SEMA6A: variants seen among roughly 807,000 people sequenced by gnomAD.
SEMA6A encodes semaphorin-6A.
In SEMA6A, 25 loss-of-function variants were observed where a neutral mutation model predicts 96.8. The observed-to-expected ratio is 0.26, with a 90% CI of 0.19 to 0.36. SEMA6A has a LOEUF of 0.36. SEMA6A is among the 10% of genes least tolerant of loss of function. SEMA6A has a pLI of 1.00. For synonymous variants in SEMA6A, 612 were observed against 518.0 expected (o/e 1.18, Z -2.46); for missense variants, 1,363 against 1,323.1 (o/e 1.03, Z -0.47).
chr5:116,504,512 G>A (rs776599000), intron 2 of SEMA6A, among the ~76,000 whole-genome samples: 2 of 152,142 alleles, frequency 1.3e-5, no homozygotes, highest in Non-Finnish European at 2.9e-5. Flanking sequence ...ATATAAAAGC[G>A]AGTAATACTG....
At chr5:116,472,926 G>T in intron 17 of SEMA6A, 147 bp downstream of exon 17, 1 of 1,524,306 alleles carries the variant, frequency 6.6e-7, no homozygotes. Flanking sequence ...TGGTAGAGGA[G>T]TTGAAATGTC....
chr5:116,572,642 CCT>C (rs1761270148), intron 1 of SEMA6A, among the ~76,000 whole-genome samples: 1 of 152,246 alleles, frequency 6.6e-6, no homozygotes, highest in Non-Finnish European at 1.5e-5. Flanking sequence ...TTCCCCACAG[CCT>C]CTGTCCACAG....
At chr5:116,453,615 CAT>C (rs748839775) in intron 18 of SEMA6A, among the ~76,000 whole-genome samples, 18 of 152,180 alleles carry the variant, frequency 1.2e-4, no homozygotes, top group Non-Finnish European at 2.4e-4. Context: ...ATCTGCCACT[CAT>C]AGAAGGAAAG....
chr5:116,444,376 C>T lies in SEMA6A; in HGVS notation c.*2237G>A, dbSNP rs938437608. 6.6e-6 allele frequency: 1 copy of T among 152,174 alleles called. No homozygotes were observed. The highest frequency in any genetic ancestry group is 6.5e-5 in the Admixed American group (1 of 15,276). The allele number at this position is 152,174 out of a possible 1,614,324, so 9.4% of individuals were successfully genotyped here. ...AACCACACTGATTATGGAGGCTCCA[C>T]TTTTTCACTATCCAACTCAAAACTG... is the stretch of plus-strand genomic sequence containing the variant. On this transcript the variant is annotated 3_prime_UTR_variant, in exon 19 of 19. Coordinates refer to ENST00000343348, the MANE Select transcript of SEMA6A (RefSeq NM_020796.5).
At chr5:116,487,181 TAC>T in intron 9 of SEMA6A, 1 of 509,958 alleles carries the variant, frequency 2.0e-6, no homozygotes, top group Non-Finnish European at 3.5e-6. Flanking sequence ...TGGCATTTAA[TAC>T]AGAGTCATAA....
intron 1 of SEMA6A, among the ~76,000 whole-genome samples, chr5:116,547,154 T>C (rs1760220987): frequency 6.6e-6 from 1 of 152,222 alleles, no homozygotes. Flanking sequence ...TCTATTAGCC[T>C]CAACAAAATT....
chr5:116,566,211 G>C (rs773709556), intron 1 of SEMA6A, among the ~76,000 whole-genome samples: 1 of 152,156 alleles, frequency 6.6e-6, no homozygotes, highest in African/African-American at 2.4e-5. Context: ...TCTTTGAAGC[G>C]TAGAGGGGCA....
rs374874261 is a variant in SEMA6A, at chr5:116,495,016, T to A, written c.444+397A>T. 7.9e-5 allele frequency among the ~76,000 whole-genome samples: 12 copies of A among 152,172 alleles called. No homozygotes were observed. In the East Asian group the frequency reaches 2.1e-3, roughly 27 times the overall value. On this transcript the variant is annotated intron_variant, in intron 6 of 18. Coordinates refer to ENST00000343348, the MANE Select transcript of SEMA6A (RefSeq NM_020796.5). ...GGAAAGTCTACGGTTTCAAATGCCG[T>A]GCTTTTGAGATACCTTTTAGAATAG...
intron 1 of SEMA6A, among the ~76,000 whole-genome samples, chr5:116,509,051 G>A (rs1167758937): frequency 1.3e-5 from 2 of 152,210 alleles, no homozygotes; most frequent in African/African-American, 4.8e-5. Flanking sequence ...CCCACCAACT[G>A]TCTACATGTC....
rs663670 is a variant in SEMA6A, at chr5:116,484,555, C to T, written c.963-1980G>A. ...AAGGAGAATTGCTTGAACAAGGAGG[C>T]GGAGGTTGCAGCGAGTAGAGATGGC... On this transcript the variant is annotated intron_variant, in intron 10 of 18. Transcript: ENST00000343348. 8.5e-3 allele frequency among the ~76,000 whole-genome samples: 1,292 copies of T among 151,934 alleles called. 7 individuals are homozygous for T. The highest frequency in any genetic ancestry group is 0.011 in the Non-Finnish European group (778 of 67,970).
At chr5:116,491,130 T>C (rs1366053418) in intron 7 of SEMA6A, among the ~76,000 whole-genome samples, 1 of 152,180 alleles carries the variant, frequency 6.6e-6, no homozygotes, top group Non-Finnish European at 1.5e-5. Context: ...AAGATGTTTG[T>C]TGGAAGCTTG....
intron 6 of SEMA6A, among the ~76,000 whole-genome samples, chr5:116,493,528 A>G (rs902570331): frequency 6.6e-6 from 1 of 152,156 alleles, no homozygotes; most frequent in Admixed American, 6.5e-5. Flanking sequence ...AAAATCTAAC[A>G]TCTTAATTAC....
At chr5:116,477,081 G>C (rs921965756) in intron 15 of SEMA6A, among the ~76,000 whole-genome samples, 8 of 152,198 alleles carry the variant, frequency 5.3e-5, no homozygotes, top group African/African-American at 1.9e-4. Flanking sequence ...CTGTGTTGAA[G>C]AAAGATCTGT....
chr5:116,562,165 C>G (rs887212120), intron 1 of SEMA6A, among the ~76,000 whole-genome samples: 18 of 152,190 alleles, frequency 1.2e-4, no homozygotes, highest in Non-Finnish European at 1.9e-4. Context: ...TAGACAACCA[C>G]TACCCTGGAA....
At chr5:116,493,997 T>G (rs888457622) in intron 6 of SEMA6A, among the ~76,000 whole-genome samples, 5 of 152,166 alleles carry the variant, frequency 3.3e-5, no homozygotes, top group African/African-American at 1.2e-4. Flanking sequence ...ATTTCCTGTC[T>G]GAATTGGTGG....
chr5:116,545,677 A>AAATTT (rs772037885), intron 1 of SEMA6A, among the ~76,000 whole-genome samples: 28 of 152,336 alleles, frequency 1.8e-4, no homozygotes, highest in African/African-American at 4.8e-4. Flanking sequence ...TGAGAAAATT[A>AAATTT]ATGTTCAAGT....
chr5:116,487,882 C>T (rs1336205449), intron 9 of SEMA6A, among the ~76,000 whole-genome samples: 1 of 151,980 alleles, frequency 6.6e-6, no homozygotes, highest in Non-Finnish European at 1.5e-5. Context: ...AAAAAAGATA[C>T]TTGAATCTCA....
At chr5:116,468,330 C>G (rs1160137636) in intron 17 of SEMA6A, 1 of 152,338 alleles carries the variant, frequency 6.6e-6, no homozygotes, top group African/African-American at 2.4e-5. Context: ...ACTTCACAGG[C>G]ATTCCTCTTT....
chr5:116,482,357 T>A (rs527644115), intron 11 of SEMA6A, 87 bp downstream of exon 11: 2 of 1,408,300 alleles, frequency 1.4e-6, no homozygotes, highest in Admixed American at 4.2e-5. Flanking sequence ...AAGGCACTGG[T>A]GCGCAGTTCA....
Sources: allele counts gnomAD v4.1 joint callset (sites outside exome capture counted in the v4.1 genomes callset), GRCh38; gene constraint gnomAD v4.1.1; transcripts MANE v1.5; gene names NCBI Gene and HGNC (gene_info 2026-07-23, HGNC 2026-07-21).